EEFSEC: variants seen among roughly 807,000 people sequenced by gnomAD.
EEFSEC encodes selenocysteine-specific elongation factor.
Under a neutral mutation model 42.1 loss-of-function variants are expected in EEFSEC, and 43 were observed. That is an observed-to-expected ratio of 1.02 (90% confidence interval 0.80 to 1.32). The LOEUF is 1.32. EEFSEC is among the 40% of genes most tolerant of loss of function. The pLI is 0.00. For missense variants in EEFSEC, 745 were observed against 803.6 expected (o/e 0.93, Z 0.88); for synonymous variants, 354 against 339.1 (o/e 1.04, Z -0.48).
chr3:128,279,614 A>G (rs777745510), intron 4 of EEFSEC, among the ~76,000 whole-genome samples: 3 of 152,202 alleles, frequency 2.0e-5, no homozygotes, highest in African/African-American at 2.4e-5. Flanking sequence ...TCGTTTTCCC[A>G]TGAAGCAGGC....
intron 6 of EEFSEC, among the ~76,000 whole-genome samples, chr3:128,400,661 G>C (rs1363220703): frequency 2.0e-5 from 3 of 152,240 alleles, no homozygotes; most frequent in Non-Finnish European, 4.4e-5. Flanking sequence ...TCCCACTGGG[G>C]CATGCAAGCC....
intron 1 of EEFSEC, among the ~76,000 whole-genome samples, chr3:128,198,997 A>G (rs1037841691): frequency 6.6e-6 from 1 of 151,938 alleles, no homozygotes; most frequent in Non-Finnish European, 1.5e-5. Flanking sequence ...GCACCCAGCT[A>G]ATTTTTGTAT....
intron 1 of EEFSEC, among the ~76,000 whole-genome samples, chr3:128,159,235 T>A (rs545272318): frequency 5.9e-5 from 9 of 152,354 alleles, no homozygotes; most frequent in African/African-American, 2.2e-4. Context: ...ATTTCTCAGA[T>A]GAGGAAACCC....
At chr3:128,409,812 G>T (rs1266757619), downstream of EEFSEC, among the ~76,000 whole-genome samples, 1 of 152,126 alleles carries the variant, frequency 6.6e-6, no homozygotes, top group African/African-American at 2.4e-5. Context: ...ACCCCACTGT[G>T]TGCTGTGCCC....
chr3:128,230,031 CTTTTCTT>C (rs1319213073), intron 1 of EEFSEC, among the ~76,000 whole-genome samples: 9 of 149,866 alleles, frequency 6.0e-5, no homozygotes, highest in Admixed American at 6.0e-4. Context: ...TTTTTCTTTT[CTTTTCTT>C]TTTTCTTTTC....
At chr3:128,425,459 G>A in the EEFSEC span, among the ~76,000 whole-genome samples, 1 of 152,188 alleles carries the variant, frequency 6.6e-6, no homozygotes, top group Non-Finnish European at 1.5e-5. Flanking sequence ...AAGCTGCTCC[G>A]AACACTCTTG....
At chr3:128,425,444 GAC>G in the EEFSEC span, among the ~76,000 whole-genome samples, 2 of 152,182 alleles carry the variant, frequency 1.3e-5, no homozygotes, top group Admixed American at 6.5e-5. Context: ...GGGTGACTGT[GAC>G]TAAAGCTGCT....
chr3:128,287,669 T>TA (rs1019802044), intron 4 of EEFSEC, among the ~76,000 whole-genome samples: 2 of 152,238 alleles, frequency 1.3e-5, no homozygotes, highest in Non-Finnish European at 2.9e-5. Context: ...AAAGTGCCGG[T>TA]AAGAATAGGG....
chr3:128,238,047 C>A (rs1207065726), intron 1 of EEFSEC, among the ~76,000 whole-genome samples: 1 of 152,314 alleles, frequency 6.6e-6, no homozygotes, highest in East Asian at 1.9e-4. Context: ...AGCGCTGCCT[C>A]TGCTGTTGAC....
At position 128,381,785 on chromosome 3, in the gene EEFSEC, G is replaced by A. The variant is rs112424760; in HGVS notation, c.1600+23412G>A. On this transcript the variant is annotated intron_variant, in intron 6 of 6. Transcript: ENST00000254730. ...GGAAATGCAGGGCACTTCTAAGGAA[G>A]CAGCACCCAGGAGACCTGGCCCGGG... 5.2e-3 allele frequency among the ~76,000 whole-genome samples: 785 copies of A among 152,306 alleles called. 17 individuals are homozygous for A. Among genetic ancestry groups the A allele is most frequent in the African/African-American group, 0.018 (747 of 41,568 alleles).
the EEFSEC span, among the ~76,000 whole-genome samples, chr3:128,415,824 G>A: frequency 7.9e-5 from 12 of 152,362 alleles, no homozygotes; most frequent in East Asian, 1.5e-3. Context: ...AAGGAGAGGA[G>A]CGGTTTTGGG....
chr3:128,153,789 C>G lies in EEFSEC; in HGVS notation c.282C>G (p.Pro94=). The change falls in exon 1 of 7, where the codon CCC becomes CCG. Residue 94 remains proline (P), a synonymous_variant. Transcript: ENST00000254730. ...PLLQVTLVDC[P]GHASLIRTII... ...TTCAGGTCACGCTGGTCGACTGCCC[C>G]GGGCACGCCTCCCTCATCCGGACCA... 6.5e-7 allele frequency: 1 copy of G among 1,527,184 alleles called. No homozygotes were observed. The allele number at this position is 1,527,184 out of a possible 1,614,324, so 94.6% of individuals were successfully genotyped here.
chr3:128,406,878 A>T (rs1447356844), intron 6 of EEFSEC, among the ~76,000 whole-genome samples: 1 of 150,908 alleles, frequency 6.6e-6, no homozygotes, highest in Non-Finnish European at 1.5e-5. Context: ...ATATACATAC[A>T]TATATATATA....
chr3:128,273,675 G>A (rs1030876978), intron 4 of EEFSEC, among the ~76,000 whole-genome samples: 4 of 152,220 alleles, frequency 2.6e-5, no homozygotes, highest in African/African-American at 9.7e-5. Context: ...GAGCGGCCTG[G>A]ACCTGTGACA....
intron 1 of EEFSEC, among the ~76,000 whole-genome samples, chr3:128,189,983 C>T (rs767965953): frequency 1.3e-5 from 2 of 152,218 alleles, no homozygotes; most frequent in Non-Finnish European, 2.9e-5. Flanking sequence ...CTGCCTCAGC[C>T]TCCTGAGTAG....
chr3:128,387,680 G>A (rs561601371), intron 6 of EEFSEC, among the ~76,000 whole-genome samples: 1 of 152,288 alleles, frequency 6.6e-6, no homozygotes, highest in South Asian at 2.1e-4. Flanking sequence ...TGGATGGCAG[G>A]GCCAGGCTGG....
intron 5 of EEFSEC, among the ~76,000 whole-genome samples, chr3:128,345,873 G>A (rs2067306739): frequency 6.6e-6 from 1 of 152,226 alleles, no homozygotes; most frequent in African/African-American, 2.4e-5. Context: ...TGTTTACTGT[G>A]CTCCTACGTT....
the EEFSEC span, among the ~76,000 whole-genome samples, chr3:128,423,482 A>AAAT: frequency 6.7e-6 from 1 of 150,350 alleles, no homozygotes; most frequent in African/African-American, 2.5e-5. Flanking sequence ...CTGTCTCAAT[A>AAAT]AATAAATAAA....
chr3:128,376,910 C>G lies in EEFSEC; in HGVS notation c.1600+18537C>G, dbSNP rs377381882. ...ACCCTCACACTGTGGGCTAATTTCC[C>G]TCTGTCACCTGGGGGAAGAAGGCCC... On this transcript the variant is annotated intron_variant, in intron 6 of 6. Coordinates refer to ENST00000254730, the MANE Select transcript of EEFSEC (RefSeq NM_021937.5). Among the ~76,000 whole-genome samples, 198 of 152,262 alleles carry G rather than the reference C, an allele frequency of 1.3e-3. 6 individuals are homozygous for G. In the South Asian group the frequency reaches 0.037, roughly 28 times the overall value.
Sources: allele counts gnomAD v4.1 joint callset (sites outside exome capture counted in the v4.1 genomes callset), GRCh38; gene constraint gnomAD v4.1.1; transcripts MANE v1.5; gene names NCBI Gene and HGNC (gene_info 2026-07-23, HGNC 2026-07-21).